Variants in LRIF1 observed in about 807,000 individuals in gnomAD.
LRIF1 encodes ligand-dependent nuclear receptor-interacting factor 1.
LRIF1 carries 32 observed loss-of-function variants against 52.7 expected under a neutral mutation model. That is an observed-to-expected ratio of 0.61 (90% CI 0.46 to 0.82). The LOEUF (loss-of-function observed/expected upper bound fraction) is 0.82, where lower values mean the gene tolerates loss of function less well. Ranked by LOEUF, LRIF1 falls within the 40% of genes least tolerant of loss-of-function variation. The pLI is 0.00. For missense variants in LRIF1, 887 were observed against 892.0 expected (o/e 0.99, Z 0.07); for synonymous variants, 323 against 317.4 (o/e 1.02, Z -0.19).
chr1:110,899,530 C>T, the LRIF1 span: 1 of 214,690 alleles, frequency 4.7e-6, no homozygotes, highest in African/African-American at 2.3e-5. Context: ...TTTGCATCTT[C>T]CCATTGTCGA....
At chr1:110,911,880 C>A in the LRIF1 span, among the ~76,000 whole-genome samples, 2 of 152,148 alleles carry the variant, frequency 1.3e-5, no homozygotes, top group Admixed American at 6.5e-5. Flanking sequence ...CTATCTATGA[C>A]AAACCCACAG....
At chr1:110,895,099 T>G in the LRIF1 span, 1 of 1,414,398 alleles carries the variant, frequency 7.1e-7, no homozygotes, top group Non-Finnish European at 1.0e-6. Flanking sequence ...CAGACTTCAT[T>G]TTCAAGCCTA....
At chr1:110,920,161 C>G in the LRIF1 span, among the ~76,000 whole-genome samples, 1 of 152,186 alleles carries the variant, frequency 6.6e-6, no homozygotes, top group Admixed American at 6.5e-5. Context: ...CATGCTCTTA[C>G]CGCATGATCC....
chr1:110,912,221 AT>A, the LRIF1 span, among the ~76,000 whole-genome samples: 1 of 150,808 alleles, frequency 6.6e-6, no homozygotes, highest in African/African-American at 2.4e-5. Context: ...TTACTTATTT[AT>A]TTTTTTTTAG....
chr1:110,932,825 G>T, the LRIF1 span, among the ~76,000 whole-genome samples: 2 of 152,150 alleles, frequency 1.3e-5, no homozygotes, highest in Non-Finnish European at 2.9e-5. Flanking sequence ...TAGGGCATTT[G>T]CAGTGATGAA....
the LRIF1 span, among the ~76,000 whole-genome samples, chr1:110,915,632 TA>T: frequency 4.6e-5 from 7 of 152,180 alleles, no homozygotes; most frequent in Admixed American, 3.9e-4. Flanking sequence ...GAACAGTGAC[TA>T]TCCATGGAGG....
chr1:110,919,199 G>C, the LRIF1 span, among the ~76,000 whole-genome samples: 26 of 152,316 alleles, frequency 1.7e-4, no homozygotes, highest in African/African-American at 6.3e-4. Context: ...AGGATGCAAA[G>C]TATTGTTCCT....
chr1:110,876,866 C>T, the LRIF1 span, among the ~76,000 whole-genome samples: 1 of 152,106 alleles, frequency 6.6e-6, no homozygotes, highest in African/African-American at 2.4e-5. Context: ...AAAATATTAA[C>T]ATTTTACTTC....
the LRIF1 span, among the ~76,000 whole-genome samples, chr1:110,911,754 C>T: frequency 2.2e-4 from 33 of 152,192 alleles, no homozygotes; most frequent in Non-Finnish European, 4.4e-4. Flanking sequence ...AAAACAAAAA[C>T]CACATGATCA....
the LRIF1 span, among the ~76,000 whole-genome samples, chr1:110,902,704 T>C: frequency 6.6e-6 from 1 of 152,116 alleles, no homozygotes; most frequent in Non-Finnish European, 1.5e-5. Context: ...CCTTGAATTA[T>C]AAACAAAAGA....
At chr1:110,937,743 T>C in the LRIF1 span, 1 of 151,802 alleles carries the variant, frequency 6.6e-6, no homozygotes. Flanking sequence ...ATAAATGAAA[T>C]TGAAATAGAG....
At chr1:110,878,427 A>G in the LRIF1 span, among the ~76,000 whole-genome samples, 5 of 152,236 alleles carry the variant, frequency 3.3e-5, no homozygotes, top group Admixed American at 2.0e-4. Context: ...GACAATCTGT[A>G]TATAGAGAAA....
the LRIF1 span, among the ~76,000 whole-genome samples, chr1:110,925,463 T>C: frequency 6.6e-6 from 1 of 152,088 alleles, no homozygotes; most frequent in African/African-American, 2.4e-5. Context: ...ACACACTCTA[T>C]TGGTTCTGTT....
At chr1:110,892,587 C>G in the LRIF1 span, 1 of 1,392,754 alleles carries the variant, frequency 7.2e-7, no homozygotes. Flanking sequence ...GTGCCTAAAT[C>G]CCAGGCAAGA....
chr1:110,917,380 A>G, the LRIF1 span, among the ~76,000 whole-genome samples: 3 of 152,218 alleles, frequency 2.0e-5, no homozygotes, highest in Non-Finnish European at 4.4e-5. Context: ...AGATTGTTTA[A>G]CCAGCTCCCA....
chr1:110,963,706 G>A lies in LRIF1; in HGVS notation c.-18C>T. On this transcript the variant is annotated 5_prime_UTR_variant, in exon 1 of 4. Transcript: ENST00000369763. ...TTTGACATTTTAGTGGGGAGAAAGG[G>A]GACACCTCATCCAGAAAAGTGGGAA... The A allele has an allele frequency of 1.3e-6, 2 of 1,590,098 alleles. No homozygotes were observed. Among genetic ancestry groups the A allele is most frequent in the Middle Eastern group, 1.7e-4 (1 of 5,986 alleles).
At chr1:110,889,160 A>G in the LRIF1 span, among the ~76,000 whole-genome samples, 1 of 152,162 alleles carries the variant, frequency 6.6e-6, no homozygotes, top group African/African-American at 2.4e-5. Context: ...TTATTCATAG[A>G]TGTGTCTTAC....
At chr1:110,910,292 C>CA in the LRIF1 span, among the ~76,000 whole-genome samples, 51,294 of 134,318 alleles carry the variant, frequency 0.38, 10,319 homozygotes, top group Middle Eastern at 0.5. Flanking sequence ...AAGCAATTCT[C>CA]AAAAAAAAAA....
the LRIF1 span, chr1:110,938,242 CAA>C: frequency 6.6e-6 from 1 of 151,994 alleles, no homozygotes; most frequent in Non-Finnish European, 1.5e-5. Context: ...CAAAACCAGA[CAA>C]AGACACATGA....
Sources: gnomAD v4.1 joint callset for allele counts (sites outside exome capture counted in the v4.1 genomes callset) on GRCh38, gnomAD v4.1.1 for gene constraint, MANE v1.5 for transcripts, NCBI Gene and HGNC (gene_info 2026-07-23, HGNC 2026-07-21) for gene names.